The following FXR1 variants were observed in gnomAD, a reference collection of about 807,000 sequenced individuals.
FXR1 encodes FMR1 autosomal homolog 1.
A neutral mutation model predicts 84.0 loss-of-function variants in FXR1; 15 were observed. The observed-to-expected ratio is 0.18, with a 90% confidence interval of 0.12 to 0.27. The LOEUF (loss-of-function observed/expected upper bound fraction) is 0.27. Ranked by LOEUF, FXR1 falls within the 10% of genes least tolerant of loss-of-function variation. The pLI is 1.00. For missense variants in FXR1, 480 were observed against 774.4 expected, an observed-to-expected ratio of 0.62 and a Z score of 4.51; for synonymous variants, 245 against 250.7, an observed-to-expected ratio of 0.98 and a Z score of 0.21.
chr3:180,965,473 A>G lies in FXR1; in HGVS notation c.1198+2383A>G, dbSNP rs115312737. 9.9e-3 allele frequency among the ~76,000 whole-genome samples: 1,454 copies of G among 147,242 alleles called. 21 individuals carry two copies. Among genetic ancestry groups the G allele is most frequent in the African/African-American group, 0.033 (1,361 of 41,108 alleles). On this transcript the variant is annotated intron_variant, in intron 13 of 16. Transcript: ENST00000357559. ...TTATCACAAACTTAGAGGCTTGACC[A>G]CAGAAATTTATTATCTTATAGTTCT...
intron 1 of FXR1, among the ~76,000 whole-genome samples, chr3:180,920,517 C>CT (rs11359852): frequency 0.021 from 2,612 of 127,330 alleles, 53 homozygotes; most frequent in African/African-American, 0.043. Flanking sequence ...TAGTTTTGTT[C>CT]TTTTTTTTTT....
intron 9 of FXR1, 102 bp downstream of exon 9, chr3:180,953,942 A>C: frequency 3.1e-6 from 2 of 643,724 alleles, no homozygotes; most frequent in Non-Finnish European, 2.7e-6. Flanking sequence ...ACCTTATTCC[A>C]GTTATGTGTA....
At chr3:180,944,676 G>A (rs923599560) in intron 3 of FXR1, among the ~76,000 whole-genome samples, 2 of 152,068 alleles carry the variant, frequency 1.3e-5, no homozygotes, top group Non-Finnish European at 2.9e-5. Flanking sequence ...GGAGTATAGT[G>A]AAGCAAACAC....
intron 6 of FXR1, among the ~76,000 whole-genome samples, 199 bp from the exon 7 acceptor site, chr3:180,949,028 A>G (rs1425891035): frequency 1.3e-5 from 2 of 152,196 alleles, no homozygotes; most frequent in African/African-American, 2.4e-5. Flanking sequence ...TTTTTCCCCA[A>G]TCAAACATAT....
chr3:180,967,233 A>C (rs1021293467), intron 13 of FXR1, among the ~76,000 whole-genome samples: 4 of 152,096 alleles, frequency 2.6e-5, no homozygotes, highest in Non-Finnish European at 4.4e-5. Flanking sequence ...AATGGCAAAA[A>C]CCGCAATTTA....
At chr3:180,942,917 C>T (rs1721286767) in intron 3 of FXR1, among the ~76,000 whole-genome samples, 1 of 152,130 alleles carries the variant, frequency 6.6e-6, no homozygotes, top group African/African-American at 2.4e-5. Flanking sequence ...ATATACTCTT[C>T]ATTTTGTATA....
In FXR1 at chr3:180,953,963, G is replaced by A. The variant is rs1367893530; in HGVS notation, c.880+123G>A. 9 of 592,392 alleles carry A rather than the reference G, an allele frequency of 1.5e-5. No individual in the cohort carries two copies. In the East Asian group the frequency reaches 1.7e-4, roughly 11 times the overall value. The allele number at this position is 592,392 out of a possible 1,614,324, so 36.7% of individuals were successfully genotyped here. A position where few individuals can be genotyped will look rare whatever the true frequency, so the allele number is the denominator to read the frequency against. On this transcript the variant is annotated intron_variant, in intron 9 of 16. Transcript: ENST00000357559. The stretch of plus-strand genomic sequence containing the variant: ...TTCCAGTTATGTGTAGATTTATTTA[G>A]ATAGCAATACTTCTTTTCTTTTTTT...
intron 3 of FXR1, among the ~76,000 whole-genome samples, chr3:180,941,667 A>G (rs112733727): frequency 6.6e-6 from 1 of 152,158 alleles, no homozygotes; most frequent in Non-Finnish European, 1.5e-5. Flanking sequence ...GCTCGCACAT[A>G]AAGGAGAGAC....
At position 180,958,199 on chromosome 3, in the gene FXR1, C is replaced by T. The variant is rs747676588; in HGVS notation, c.990+271C>T. On this transcript the variant is annotated intron_variant, in intron 10 of 16. Coordinates refer to ENST00000357559, the MANE Select transcript of FXR1 (RefSeq NM_005087.4). Reference sequence around the variant, plus strand: ...ATAATCTTAACAGTTATTTTTCATACGTAGAGTGTAAAGCTGTAGAACTTG... The same window carrying T: ...ATAATCTTAACAGTTATTTTTCATATGTAGAGTGTAAAGCTGTAGAACTTG... Among the ~76,000 whole-genome samples, 10 of 151,950 alleles carry T rather than the reference C, an allele frequency of 6.6e-5. No individual in the cohort carries two copies. The East Asian group carries it at 9.7e-4, about 15-fold the overall frequency.
intron 3 of FXR1, among the ~76,000 whole-genome samples, chr3:180,940,383 G>T (rs1720985500): frequency 6.6e-6 from 1 of 152,082 alleles, no homozygotes; most frequent in African/African-American, 2.4e-5. Context: ...TTTACATTGG[G>T]TATCTAGTAC....
rs368741995 is a variant in FXR1, at chr3:180,962,847, T to C, written c.1078-36T>C. On this transcript the variant is annotated intron_variant, in intron 11 of 16. Coordinates refer to ENST00000357559, the MANE Select transcript of FXR1 (RefSeq NM_005087.4). The stretch of plus-strand genomic sequence containing the variant: ...GGCTTTAGGAAAACAAAAAGTTATA[T>C]ATAAGAAGACTTACTCTTTTTTGTT... 6.3e-6 allele frequency: 9 copies of C among 1,418,786 alleles called. No homozygotes were observed. The African/African-American group carries it at 1.3e-4, about 20-fold the overall frequency. The allele number at this position is 1,418,786 out of a possible 1,614,324, so 87.9% of individuals were successfully genotyped here. A position where few individuals can be genotyped will look rare whatever the true frequency, so the allele number is the denominator to read the frequency against.
intron 10 of FXR1, among the ~76,000 whole-genome samples, chr3:180,959,384 G>A (rs973982291): frequency 1.3e-5 from 2 of 150,536 alleles, no homozygotes; most frequent in East Asian, 2.0e-4. Context: ...ATTATCCTTA[G>A]AACAGAAACT....
At chr3:180,916,257 C>T (rs1717879957) in intron 1 of FXR1, among the ~76,000 whole-genome samples, 1 of 152,166 alleles carries the variant, frequency 6.6e-6, no homozygotes, top group Non-Finnish European at 1.5e-5. Flanking sequence ...CACAGTCTTC[C>T]TTCAGAACGT....
Position 180,968,193 on chromosome 3 carries a change from A to G in FXR1, c.1341A>G (p.Arg447=). 1 of 1,614,002 alleles carries G rather than the reference A, an allele frequency of 6.2e-7. No homozygotes were observed. ...DSRRRPGGRG[R]SVSGGRGRGG... ...GGAGACGCCCAGGAGGAAGAGGCAG[A>G]AGTGTTTCAGGGGGTCGAGGTCGTG... is the stretch of plus-strand genomic sequence containing the variant. Residue 447 remains arginine, a synonymous_variant, in exon 14 of 17, where the codon AGA becomes AGG. Coordinates refer to ENST00000357559, the MANE Select transcript of FXR1 (RefSeq NM_005087.4).
intron 1 of FXR1, among the ~76,000 whole-genome samples, chr3:180,925,330 G>A (rs936501536): frequency 2.0e-5 from 3 of 151,308 alleles, no homozygotes; most frequent in Non-Finnish European, 2.9e-5. Flanking sequence ...ATTGCACTCC[G>A]GCCTGGGCAA....
intron 1 of FXR1, among the ~76,000 whole-genome samples, chr3:180,921,028 T>C (rs1422610574): frequency 1.3e-5 from 2 of 152,176 alleles, no homozygotes; most frequent in African/African-American, 4.8e-5. Context: ...TCAATACTAA[T>C]GAATGCTGAA....
chr3:180,946,347 AGT>A (rs1721691692), intron 3 of FXR1, among the ~76,000 whole-genome samples: 1 of 152,222 alleles, frequency 6.6e-6, no homozygotes, highest in South Asian at 2.1e-4. Flanking sequence ...GAAATTGTAA[AGT>A]GTTTCAAGAT....
chr3:180,967,067 G>A (rs1459527795), intron 13 of FXR1, among the ~76,000 whole-genome samples: 2 of 152,194 alleles, frequency 1.3e-5, no homozygotes, highest in African/African-American at 4.8e-5. Context: ...TTGTCTCACT[G>A]GTCATGGCTT....
In FXR1 at chr3:180,962,785, G is replaced by C. The variant is rs1712289168; in HGVS notation, c.1078-98G>C. The stretch of plus-strand genomic sequence containing the variant: ...TGCTCTTTACCATCTAATTGCCTAA[G>C]GTCACAGCTTTGATAGGGAGTACAG... On this transcript the variant is annotated intron_variant, in intron 11 of 16. Coordinates refer to ENST00000357559, the MANE Select transcript of FXR1 (RefSeq NM_005087.4). 6.5e-6 allele frequency: 5 copies of C among 769,512 alleles called. No individual in the cohort carries two copies. In the South Asian group the frequency reaches 8.4e-5, roughly 13 times the overall value. 47.7% of individuals were successfully genotyped at this position (769,512 alleles called of 1,614,324 possible). A position where few individuals can be genotyped will look rare whatever the true frequency, so the allele number is the denominator to read the frequency against.
Sources: allele counts gnomAD v4.1 joint callset (sites outside exome capture counted in the v4.1 genomes callset), GRCh38; gene constraint gnomAD v4.1.1; transcripts MANE v1.5; gene names NCBI Gene and HGNC (gene_info 2026-07-23, HGNC 2026-07-21).